The following NUP35 variants were observed in gnomAD, a reference collection of about 807,000 sequenced individuals.
NUP35 encodes the protein nucleoporin 35, also known as nucleoporin NUP35.
NUP35 carries 25 observed loss-of-function variants against 41.5 expected under a neutral mutation model. The observed-to-expected ratio is 0.60, with a 90% CI of 0.44 to 0.84. The LOEUF is 0.84. Ranked by LOEUF, NUP35 falls within the 40% of genes least tolerant of loss-of-function variation. The pLI, the probability that NUP35 is intolerant of heterozygous loss-of-function variation, is 0.00. For missense variants in NUP35, 396 were observed against 396.6 expected, an observed-to-expected ratio of 1.00 and a Z score of 0.01; for synonymous variants, 149 against 130.7, an observed-to-expected ratio of 1.14 and a Z score of -0.96.
At chr2:183,130,937 A>C in intron 3 of NUP35, 1 of 1,151,246 alleles carries the variant, frequency 8.7e-7, no homozygotes, top group Non-Finnish European at 1.1e-6. Flanking sequence ...ATCTAGATCT[A>C]GGGCACTCGT....
intron 8 of NUP35, chr2:183,160,804 C>A (rs546356697): frequency 5.0e-4 from 130 of 261,682 alleles, no homozygotes; most frequent in African/African-American, 2.6e-3. Flanking sequence ...CAATTCAGGC[C>A]GGGCGCAGGG....
chr2:183,128,569 A>G (rs1189058135), intron 2 of NUP35, 112 bp downstream of exon 2: 4 of 565,564 alleles, frequency 7.1e-6, no homozygotes, highest in African/African-American at 3.9e-5. Context: ...CACACATAAA[A>G]TACAGTAACT....
At chr2:183,159,348 C>T in intron 7 of NUP35, 140 bp from the exon 8 acceptor site, 1 of 679,830 alleles carries the variant, frequency 1.5e-6, no homozygotes, top group South Asian at 2.7e-5. Context: ...TTTTCTCAAG[C>T]CTAAAATTAT....
At chr2:183,143,858 A>G (rs769016712) in intron 4 of NUP35, among the ~76,000 whole-genome samples, 4 of 152,186 alleles carry the variant, frequency 2.6e-5, no homozygotes, top group Non-Finnish European at 5.9e-5. Context: ...ACCATGCTTG[A>G]TTGGACATTG....
At chr2:183,134,188 G>A (rs527467238) in intron 4 of NUP35, among the ~76,000 whole-genome samples, 87 of 152,142 alleles carry the variant, frequency 5.7e-4, no homozygotes, top group African/African-American at 1.6e-3. Flanking sequence ...TTCATATGTC[G>A]TCATATGTGT....
chr2:183,147,941 T>C (rs957485168), intron 4 of NUP35, among the ~76,000 whole-genome samples: 1 of 152,112 alleles, frequency 6.6e-6, no homozygotes, highest in Non-Finnish European at 1.5e-5. Context: ...TATGTGGCTA[T>C]TGTAAATGGG....
chr2:183,156,902 G>A (rs1685683837), intron 5 of NUP35, among the ~76,000 whole-genome samples: 1 of 152,126 alleles, frequency 6.6e-6, no homozygotes, highest in Non-Finnish European at 1.5e-5. Context: ...ATTTTCTCAT[G>A]CAGAGATATG....
chr2:183,151,939 A>T (rs4666613), intron 5 of NUP35, among the ~76,000 whole-genome samples: 124,320 of 152,086 alleles, frequency 0.82, 51,562 homozygotes, highest in East Asian at 0.99. Flanking sequence ...GTAGTTTTTT[A>T]AATCATTTGT....
chr2:183,158,926 T>C (rs1217309869), intron 7 of NUP35, among the ~76,000 whole-genome samples: 2 of 152,144 alleles, frequency 1.3e-5, no homozygotes. Flanking sequence ...TAAACTGTTC[T>C]TTGTGGCTTG....
chr2:183,144,560 T>C (rs1266492400), intron 4 of NUP35, among the ~76,000 whole-genome samples: 1 of 152,080 alleles, frequency 6.6e-6, no homozygotes, highest in East Asian at 1.9e-4. Context: ...TGAATCTTTC[T>C]TTTAATTGAA....
At position 183,128,404 on chromosome 2, in the gene NUP35, C is replaced by T. The variant is rs994885647; in HGVS notation, c.158C>T (p.Ser53Leu). 6.2e-6 allele frequency: 10 copies of T among 1,613,852 alleles called. No homozygotes were observed. The African/African-American group carries it at 1.2e-4, about 19-fold the overall frequency. Residue 53 changes from serine to leucine, a missense_variant, in exon 2 of 9, where the codon TCA (serine) becomes TTA (leucine). Ser to Leu is a moderately radical substitution (Grantham distance 145, BLOSUM62 -2). Coordinates refer to ENST00000295119, the MANE Select transcript of NUP35 (RefSeq NM_138285.5). ...GCTCCGGTGACTCCACAACCTCGAT[C>T]AATTAGTGGCCCTTCAGTAGGAGTA... is the stretch of plus-strand genomic sequence containing the variant. ...LPAPVTPQPR[S>L]ISGPSVGVME...
chr2:183,126,033 C>T (rs1684460906), intron 1 of NUP35, among the ~76,000 whole-genome samples: 1 of 151,992 alleles, frequency 6.6e-6, no homozygotes, highest in South Asian at 2.1e-4. Context: ...TCCTTCTTCC[C>T]TCTCTCCCTC....
At chr2:183,119,525 T>C (rs1700037027), upstream of NUP35, among the ~76,000 whole-genome samples, 1 of 151,900 alleles carries the variant, frequency 6.6e-6, no homozygotes, top group Non-Finnish European at 1.5e-5. Flanking sequence ...CTTTGCAAAT[T>C]GGGGTGGAAA....
At chr2:183,124,271 C>T (rs986718872), upstream of NUP35, 6 of 1,380,286 alleles carry the variant, frequency 4.3e-6, no homozygotes, top group African/African-American at 2.9e-5. Flanking sequence ...ACCCTTTCCT[C>T]GGAAATTCTC....
At chr2:183,148,968 C>A (rs184646569) in intron 4 of NUP35, among the ~76,000 whole-genome samples, 29 of 152,308 alleles carry the variant, frequency 1.9e-4, no homozygotes, top group Admixed American at 1.6e-3. Flanking sequence ...AGCTTTTCCC[C>A]CCACCTTCTA....
intron 2 of NUP35, 103 bp downstream of exon 2, chr2:183,128,560 A>T: frequency 1.5e-6 from 1 of 671,968 alleles, no homozygotes; most frequent in Non-Finnish European, 2.3e-6. Context: ...GACTTGGGCC[A>T]CACATAAAAT....
At chr2:183,133,112 G>T (rs1026298707) in intron 3 of NUP35, among the ~76,000 whole-genome samples, 5 of 152,072 alleles carry the variant, frequency 3.3e-5, no homozygotes, top group African/African-American at 1.2e-4. Context: ...GGTAGTGGTA[G>T]GGATATGCTG....
At chr2:183,122,691 C>G (rs1700086735), upstream of NUP35, among the ~76,000 whole-genome samples, 1 of 151,990 alleles carries the variant, frequency 6.6e-6, no homozygotes, top group Non-Finnish European at 1.5e-5. Flanking sequence ...CTCCTGGACT[C>G]AAGTGATCAA....
intron 4 of NUP35, among the ~76,000 whole-genome samples, chr2:183,138,270 T>TATATATA (rs1553530933): frequency 7.5e-4 from 19 of 25,320 alleles, no homozygotes; most frequent in African/African-American, 2.2e-3. Flanking sequence ...TATATATATA[T>TATATATA]TTTTTTTTTT....
Sources: allele counts gnomAD v4.1 joint callset (sites outside exome capture counted in the v4.1 genomes callset), GRCh38; gene constraint gnomAD v4.1.1; transcripts MANE v1.5; gene names NCBI Gene and HGNC (gene_info 2026-07-23, HGNC 2026-07-21).